Variants in CDH18 observed in about 807,000 individuals in gnomAD.
CDH18 encodes the protein cadherin 18, also known as cadherin-18.
CDH18 carries 31 observed loss-of-function variants against 67.9 expected under a neutral mutation model. The observed-to-expected ratio is 0.46, with a 90% CI of 0.34 to 0.62. The LOEUF is 0.62. Ranked by LOEUF, CDH18 falls within the 20% of genes least tolerant of loss-of-function variation. The probability of loss-of-function intolerance (pLI) is 0.01; values close to 1 mark genes in which losing one functional copy is unlikely to be tolerated. For missense variants in CDH18, 890 were observed against 975.5 expected (o/e 0.91, Z 1.17); for synonymous variants, 362 against 347.2 (o/e 1.04, Z -0.48).
intron 2 of CDH18, among the ~76,000 whole-genome samples, chr5:20,040,084 C>T (rs929332297): frequency 1.3e-5 from 2 of 151,796 alleles, no homozygotes; most frequent in African/African-American, 4.8e-5. Context: ...ATGAGGCCAA[C>T]AAACATATGA....
At chr5:20,375,052 G>A (rs1166661548) in intron 1 of CDH18, among the ~76,000 whole-genome samples, 1 of 151,934 alleles carries the variant, frequency 6.6e-6, no homozygotes, top group African/African-American at 2.4e-5. Flanking sequence ...ATTTATATGA[G>A]GCTTGTGACT....
chr5:19,543,969 A>G lies in CDH18; in HGVS notation c.1290T>C (p.Phe430=), dbSNP rs1373503830. 2 of 1,593,872 alleles carry G rather than the reference A, an allele frequency of 1.3e-6. No homozygotes were observed. The highest frequency in any genetic ancestry group is 8.6e-7 in the Non-Finnish European group (1 of 1,165,644). ...TCCCAGTATTGGCATCAATGTTGAA[A>G]AATCTGTCGTCTTCAACATTGTAGT... ...FINYNVEDDR[F]FNIDANTGTI... The change falls in exon 9 of 13, where the codon TTT becomes TTC. Residue 430 remains phenylalanine (F), a synonymous_variant. Transcript: ENST00000382275.
intron 2 of CDH18, among the ~76,000 whole-genome samples, chr5:20,067,899 C>G (rs2150519962): frequency 6.6e-6 from 1 of 152,006 alleles, no homozygotes; most frequent in South Asian, 2.1e-4. Flanking sequence ...ATAGTTTATT[C>G]TAGTTTCGTG....
chr5:20,089,619 G>A (rs1745256554), intron 2 of CDH18, among the ~76,000 whole-genome samples: 1 of 152,032 alleles, frequency 6.6e-6, no homozygotes, highest in African/African-American at 2.4e-5. Flanking sequence ...TTTCACTTCA[G>A]TGTGGTTCTT....
At chr5:20,256,778 G>A (rs1030083379) in intron 1 of CDH18, among the ~76,000 whole-genome samples, 2 of 151,970 alleles carry the variant, frequency 1.3e-5, no homozygotes, top group African/African-American at 4.8e-5. Context: ...AGTCTGAAGT[G>A]TCTGGAAGGG....
chr5:20,376,111 T>TTTTTTTTTTTTTTTTTTTTTTTTTTGG (rs1191167531), intron 1 of CDH18, among the ~76,000 whole-genome samples: 1 of 133,402 alleles, frequency 7.5e-6, no homozygotes, highest in Non-Finnish European at 1.6e-5. Flanking sequence ...TTTTTTTTTT[T>TTTTTTTTTTTTTTTTTTTTTTTTTTGG]GAGACGGAGT....
intron 5 of CDH18, among the ~76,000 whole-genome samples, chr5:19,697,736 T>G (rs1321165414): frequency 6.6e-6 from 1 of 152,066 alleles, no homozygotes; most frequent in African/African-American, 2.4e-5. Context: ...AGAAGAAAAA[T>G]TGAAAGCCTT....
intron 6 of CDH18, among the ~76,000 whole-genome samples, chr5:19,599,164 A>G (rs956269531): frequency 6.6e-6 from 1 of 152,084 alleles, no homozygotes; most frequent in Non-Finnish European, 1.5e-5. Flanking sequence ...GTGTGTATAT[A>G]TATTTACATA....
At chr5:20,560,675 T>C (rs749781080) in intron 1 of CDH18, among the ~76,000 whole-genome samples, 1 of 152,090 alleles carries the variant, frequency 6.6e-6, no homozygotes, top group Non-Finnish European at 1.5e-5. Flanking sequence ...TATTTAGAGC[T>C]GCTCTAAGTC....
chr5:19,879,179 T>C (rs1220709418), intron 2 of CDH18, among the ~76,000 whole-genome samples: 1 of 152,036 alleles, frequency 6.6e-6, no homozygotes, highest in Non-Finnish European at 1.5e-5. Context: ...AGAATCAATT[T>C]TTTTAAAAAA....
intron 2 of CDH18, among the ~76,000 whole-genome samples, chr5:20,054,998 C>A (rs1391679104): frequency 1.3e-5 from 2 of 152,110 alleles, no homozygotes; most frequent in African/African-American, 2.4e-5. Context: ...TGTAATAACA[C>A]CTCTGTTTGA....
At chr5:19,899,971 A>G (rs1484504902) in intron 2 of CDH18, among the ~76,000 whole-genome samples, 1 of 152,104 alleles carries the variant, frequency 6.6e-6, no homozygotes, top group Non-Finnish European at 1.5e-5. Flanking sequence ...TAAGTACAAA[A>G]TTTCAATTAC....
intron 1 of CDH18, among the ~76,000 whole-genome samples, chr5:20,343,314 AG>A (rs1248369391): frequency 6.6e-6 from 1 of 152,192 alleles, no homozygotes; most frequent in Non-Finnish European, 1.5e-5. Context: ...GAAAACTTAT[AG>A]GTTGAATGGA....
chr5:20,007,672 AGTGTGTGTGTGTGTGTGTGTGT>A (rs145213048), intron 2 of CDH18, among the ~76,000 whole-genome samples: 3 of 140,238 alleles, frequency 2.1e-5, no homozygotes, highest in African/African-American at 5.1e-5. Flanking sequence ...GTGTGTGGAA[AGTGTGTGTGTGTGTGTGTGTGT>A]GTGTGTGTGT....
At chr5:20,131,980 C>T (rs1034866004) in intron 2 of CDH18, among the ~76,000 whole-genome samples, 20 of 152,016 alleles carry the variant, frequency 1.3e-4, no homozygotes, top group Admixed American at 6.6e-4. Context: ...CTCTACCTCC[C>T]GGGTTCAAGC....
rs1457914349 is a variant in CDH18, at chr5:20,386,053, A to G, written c.-579-130548T>C. 1.6e-4 allele frequency among the ~76,000 whole-genome samples: 24 copies of G among 152,218 alleles called. 1 individual carries two copies. The highest frequency in any genetic ancestry group is 1.6e-3 in the Admixed American group (24 of 15,274). ...TCTATCATGTTCTGTTTATGAGAAGAGAGCTCCATCAGCACAAATAGTCTT... is the reference window on the plus strand; with the variant it reads ...TCTATCATGTTCTGTTTATGAGAAGGGAGCTCCATCAGCACAAATAGTCTT... On this transcript the variant is annotated intron_variant, in intron 1 of 14. Transcript: ENST00000507958.
chr5:20,100,903 A>AAT (rs1746406605), intron 2 of CDH18, among the ~76,000 whole-genome samples: 2 of 152,082 alleles, frequency 1.3e-5, no homozygotes, highest in Admixed American at 6.6e-5. Flanking sequence ...TCATTGGGAG[A>AAT]ATACATGTAT....
At chr5:20,563,755 G>A (rs987140258) in intron 1 of CDH18, among the ~76,000 whole-genome samples, 3 of 152,072 alleles carry the variant, frequency 2.0e-5, no homozygotes, top group Non-Finnish European at 4.4e-5. Context: ...TAACTGATAT[G>A]TTAGAGAGCT....
intron 3 of CDH18, among the ~76,000 whole-genome samples, chr5:19,764,624 C>CATAT (rs72234101): frequency 2.9e-4 from 42 of 146,076 alleles, no homozygotes; most frequent in African/African-American, 1.0e-3. Context: ...TCTATTTCTT[C>CATAT]ATATATATAT....
Sources: gnomAD v4.1 joint callset for allele counts (sites outside exome capture counted in the v4.1 genomes callset) on GRCh38, gnomAD v4.1.1 for gene constraint, MANE v1.5 for transcripts, NCBI Gene and HGNC (gene_info 2026-07-23, HGNC 2026-07-21) for gene names.